The following CADM2 variants were observed in gnomAD, a reference collection of about 807,000 sequenced individuals.
The protein encoded by CADM2 is cell adhesion molecule 2.
Under a neutral mutation model 49.8 loss-of-function variants are expected in CADM2, and 12 were observed. That is an observed-to-expected ratio of 0.24 (90% CI 0.15 to 0.39). The LOEUF (loss-of-function observed/expected upper bound fraction) is 0.39. Ranked by LOEUF, CADM2 falls within the 10% of genes least tolerant of loss-of-function variation. The pLI is 1.00. For missense variants in CADM2, 378 were observed against 492.3 expected (o/e 0.77, Z 2.20); for synonymous variants, 214 against 175.4 (o/e 1.22, Z -1.74).
intron 1 of CADM2, among the ~76,000 whole-genome samples, chr3:85,067,588 GTTACCT>G (rs907778756): frequency 2.6e-5 from 4 of 152,076 alleles, no homozygotes; most frequent in African/African-American, 7.2e-5. Flanking sequence ...GGTAACTATT[GTTACCT>G]CTGCGAACTA....
intron 1 of CADM2, among the ~76,000 whole-genome samples, chr3:85,332,545 ATC>A (rs2044958971): frequency 6.6e-6 from 1 of 151,984 alleles, no homozygotes; most frequent in African/African-American, 2.4e-5. Flanking sequence ...TTAGGATGCA[ATC>A]TGAGTTTATA....
At chr3:85,188,873 T>A (rs1049327760) in intron 1 of CADM2, among the ~76,000 whole-genome samples, 1 of 151,568 alleles carries the variant, frequency 6.6e-6, no homozygotes, top group East Asian at 2.0e-4. Flanking sequence ...CTACTAAAAA[T>A]ACAAAAAATT....
intron 2 of CADM2, among the ~76,000 whole-genome samples, chr3:85,774,672 C>A (rs2070268023): frequency 6.6e-6 from 1 of 151,276 alleles, no homozygotes; most frequent in African/African-American, 2.4e-5. Context: ...TTCTTTAAAA[C>A]TTCAATTTTA....
chr3:85,856,638 T>C (rs949916156), intron 3 of CADM2, among the ~76,000 whole-genome samples: 5 of 152,166 alleles, frequency 3.3e-5, no homozygotes, highest in African/African-American at 4.8e-5. Flanking sequence ...TGTTTGGAAA[T>C]GGTAAAATGC....
chr3:85,156,448 C>A (rs903326061), intron 1 of CADM2, among the ~76,000 whole-genome samples: 2 of 152,096 alleles, frequency 1.3e-5, no homozygotes, highest in Non-Finnish European at 2.9e-5. Context: ...TCTGAATAGA[C>A]CAATAACAGG....
chr3:85,046,993 A>G (rs1419848935), intron 1 of CADM2, among the ~76,000 whole-genome samples: 1 of 152,180 alleles, frequency 6.6e-6, no homozygotes, highest in Non-Finnish European at 1.5e-5. Flanking sequence ...AAAAAATAAG[A>G]CATAAAAGGT....
At chr3:85,012,257 T>C (rs2034034096) in intron 1 of CADM2, among the ~76,000 whole-genome samples, 1 of 151,706 alleles carries the variant, frequency 6.6e-6, no homozygotes, top group East Asian at 1.9e-4. Context: ...GTGTATCTCA[T>C]GCAGTAAACT....
chr3:85,620,360 C>A (rs999133811), intron 1 of CADM2, among the ~76,000 whole-genome samples: 1 of 151,634 alleles, frequency 6.6e-6, no homozygotes, highest in Admixed American at 6.6e-5. Context: ...TTAGAGCAAC[C>A]AATAAACACA....
At chr3:84,991,944 G>T (rs1172393586) in intron 1 of CADM2, among the ~76,000 whole-genome samples, 3 of 152,138 alleles carry the variant, frequency 2.0e-5, no homozygotes, top group African/African-American at 7.2e-5. Flanking sequence ...TTCTGGAAAA[G>T]GTAAAACCAT....
At chr3:85,411,647 T>C (rs1283479997) in intron 1 of CADM2, among the ~76,000 whole-genome samples, 1 of 152,122 alleles carries the variant, frequency 6.6e-6, no homozygotes, top group Non-Finnish European at 1.5e-5. Context: ...TTCTGAAGGG[T>C]AGAGGAGGCT....
intron 3 of CADM2, among the ~76,000 whole-genome samples, chr3:85,841,700 C>G (rs1049971734): frequency 2.0e-5 from 3 of 151,950 alleles, no homozygotes; most frequent in African/African-American, 7.2e-5. Context: ...AAACATATTT[C>G]TTTGGATTAA....
chr3:85,445,720 G>A (rs1164664922), intron 1 of CADM2, among the ~76,000 whole-genome samples: 1 of 152,044 alleles, frequency 6.6e-6, no homozygotes, highest in Non-Finnish European at 1.5e-5. Flanking sequence ...ATAAAGAGAT[G>A]ATTACTCTGC....
At chr3:85,515,712 C>T (rs2060886068) in intron 1 of CADM2, among the ~76,000 whole-genome samples, 1 of 150,198 alleles carries the variant, frequency 6.7e-6, no homozygotes, top group Non-Finnish European at 1.5e-5. Flanking sequence ...CTCCTGACCT[C>T]GTGGTCCGCC....
At chr3:85,397,036 T>A (rs552392053) in intron 1 of CADM2, among the ~76,000 whole-genome samples, 155 of 152,108 alleles carry the variant, frequency 1.0e-3, no homozygotes, top group Non-Finnish European at 1.9e-3. Context: ...ATACAAAATA[T>A]ATTTTAAAAA....
chr3:85,277,577 A>G (rs2043388667), intron 1 of CADM2, among the ~76,000 whole-genome samples: 1 of 151,376 alleles, frequency 6.6e-6, no homozygotes, highest in African/African-American at 2.4e-5. Context: ...AAATTCTCTC[A>G]CGAACATTGT....
intron 1 of CADM2, among the ~76,000 whole-genome samples, chr3:85,229,219 A>G (rs1362723939): frequency 1.3e-5 from 2 of 152,150 alleles, no homozygotes; most frequent in East Asian, 3.9e-4. Flanking sequence ...AAGGACTTCA[A>G]GCCAATGGAT....
chr3:86,068,415 C>T lies in CADM2; in HGVS notation c.*1632C>T, dbSNP rs545003135. 1 of 151,806 alleles carries T rather than the reference C, an allele frequency of 6.6e-6. No individual in the cohort carries two copies. The allele number at this position is 151,806 out of a possible 1,614,324, so 9.4% of individuals were successfully genotyped here. A position where few individuals can be genotyped will look rare whatever the true frequency, so the allele number is the denominator to read the frequency against. On this transcript the variant is annotated 3_prime_UTR_variant, in exon 10 of 10. Coordinates refer to ENST00000383699, the MANE Select transcript of CADM2 (RefSeq NM_001167675.2). Reference sequence around the variant, plus strand: ...AAAATCCCATTTACAAGCATTGCACCTTTAAGAAGAAAACAAATATGACAG... The same window carrying T: ...AAAATCCCATTTACAAGCATTGCACTTTTAAGAAGAAAACAAATATGACAG...
chr3:85,530,533 G>A (rs1411319271), intron 1 of CADM2, among the ~76,000 whole-genome samples: 2 of 151,862 alleles, frequency 1.3e-5, no homozygotes, highest in Non-Finnish European at 2.9e-5. Context: ...GTTTCACCGT[G>A]TTAGCCAGGA....
At chr3:84,986,621 G>C (rs1036113306) in intron 1 of CADM2, among the ~76,000 whole-genome samples, 1 of 151,758 alleles carries the variant, frequency 6.6e-6, no homozygotes, top group Non-Finnish European at 1.5e-5. Context: ...GGGGAGCGGG[G>C]AGGGATAGCA....
Sources: gnomAD v4.1 joint callset for allele counts (sites outside exome capture counted in the v4.1 genomes callset) on GRCh38, gnomAD v4.1.1 for gene constraint, MANE v1.5 for transcripts, NCBI Gene and HGNC (gene_info 2026-07-23, HGNC 2026-07-21) for gene names.